The following STMND1 variants were observed in gnomAD, a reference collection of about 807,000 sequenced individuals.
The protein encoded by STMND1 is stathmin domain-containing protein 1.
In STMND1, 17 loss-of-function variants were observed where a neutral mutation model predicts 23.0. The observed-to-expected ratio is 0.74, with a 90% CI of 0.51 to 1.11. The LOEUF (loss-of-function observed/expected upper bound fraction) is 1.11, where lower values mean the gene tolerates loss of function less well. STMND1 is among the 50% of genes least tolerant of loss of function. The pLI, the probability that STMND1 is intolerant of heterozygous loss-of-function variation, is 0.00. For missense variants in STMND1, 305 were observed against 329.1 expected (o/e 0.93, Z 0.57); for synonymous variants, 114 against 119.9 (o/e 0.95, Z 0.32).
Position 17,130,851 on chromosome 6 carries a change from C to T in STMND1, c.801C>T (p.Ser267=). The T allele has an allele frequency of 6.5e-7, 1 of 1,532,232 alleles. No homozygotes were observed. 94.9% of individuals were successfully genotyped at this position (1,532,232 alleles called of 1,614,324 possible). ...TTGGGGTCGTGGAGTCAGACATGTC[C>T]TACAACCAAGCAGATGACATAGTCT... is the stretch of plus-strand genomic sequence containing the variant. ...ESFGVVESDM[S]YNQADDIVY The change falls in exon 5 of 5, where the codon TCC becomes TCT. Residue 267 remains serine (S), a synonymous_variant. Transcript: ENST00000536551.
At chr6:17,103,788 TCTCGAACTCCTGAC>T (rs1760977923) in intron 1 of STMND1, among the ~76,000 whole-genome samples, 1 of 152,148 alleles carries the variant, frequency 6.6e-6, no homozygotes, top group African/African-American at 2.4e-5. Context: ...GTCAGGCTGG[TCTCGAACTCCTGAC>T]CTCGTGATCC....
intron 3 of STMND1, among the ~76,000 whole-genome samples, chr6:17,126,387 T>C (rs1452035068): frequency 6.6e-6 from 1 of 151,974 alleles, no homozygotes; most frequent in African/African-American, 2.4e-5. Context: ...GTGGGGAGGA[T>C]CATTTTAAGA....
intron 1 of STMND1, among the ~76,000 whole-genome samples, chr6:17,104,833 C>A (rs933784944): frequency 1.3e-5 from 2 of 152,278 alleles, no homozygotes; most frequent in African/African-American, 2.4e-5. Context: ...TGTTGTGTGA[C>A]CTTTTTCAAG....
At chr6:17,129,274 G>C (rs1028150215) in intron 4 of STMND1, 31 bp downstream of exon 4, 31 of 1,530,092 alleles carry the variant, frequency 2.0e-5, no homozygotes, top group Non-Finnish European at 2.6e-5. Flanking sequence ...CTAGGCTTGA[G>C]GAGTTCGCTG....
chr6:17,123,965 GA>G (rs1761263799), intron 3 of STMND1, among the ~76,000 whole-genome samples: 1 of 151,956 alleles, frequency 6.6e-6, no homozygotes, highest in Admixed American at 6.6e-5. Flanking sequence ...GAAGGACTGA[GA>G]GGGGAACCAT....
intron 4 of STMND1, among the ~76,000 whole-genome samples, chr6:17,130,321 G>A (rs1052494374): frequency 1.3e-5 from 2 of 152,198 alleles, no homozygotes; most frequent in Admixed American, 1.3e-4. Context: ...AGCCCTCCAC[G>A]CGCCCTTGGC....
intron 3 of STMND1, among the ~76,000 whole-genome samples, chr6:17,121,464 T>C (rs1029038369): frequency 6.6e-6 from 1 of 152,300 alleles, no homozygotes; most frequent in African/African-American, 2.4e-5. Flanking sequence ...GCATTAGAAA[T>C]GTAAAACTGA....
intron 3 of STMND1, among the ~76,000 whole-genome samples, chr6:17,126,070 A>ATTTTTTTTT (rs1189845838): frequency 9.7e-5 from 2 of 20,532 alleles, no homozygotes; most frequent in African/African-American, 5.3e-4. Context: ...ATATATATAT[A>ATTTTTTTTT]TTTTTTTTTT....
intron 2 of STMND1, among the ~76,000 whole-genome samples, chr6:17,115,743 A>G (rs1308982797): frequency 2.0e-5 from 3 of 151,926 alleles, no homozygotes; most frequent in Non-Finnish European, 4.4e-5. Flanking sequence ...CCTTTGAAAC[A>G]TATTGAACTT....
intron 1 of STMND1, among the ~76,000 whole-genome samples, chr6:17,114,622 A>G (rs994493755): frequency 2.0e-5 from 3 of 152,218 alleles, no homozygotes; most frequent in Admixed American, 6.5e-5. Context: ...GCAGTGCACA[A>G]TAGGTTTTGT....
At chr6:17,112,124 T>C (rs1761103672) in intron 1 of STMND1, among the ~76,000 whole-genome samples, 1 of 152,204 alleles carries the variant, frequency 6.6e-6, no homozygotes, top group African/African-American at 2.4e-5. Context: ...TTCAAAGAAA[T>C]GGCTACCCAT....
chr6:17,117,667 C>CTTTTTTT (rs34107338), intron 2 of STMND1, among the ~76,000 whole-genome samples: 20 of 49,566 alleles, frequency 4.0e-4, no homozygotes, highest in Admixed American at 1.0e-3. Context: ...TTGGGTTACG[C>CTTTTTTT]TTTTTTTTTT....
chr6:17,111,550 T>G (rs1761097079), intron 1 of STMND1, among the ~76,000 whole-genome samples: 1 of 152,208 alleles, frequency 6.6e-6, no homozygotes. Context: ...CATCATCAGA[T>G]AAGTAGCTAC....
At chr6:17,124,835 C>CA (rs751914126) in intron 3 of STMND1, among the ~76,000 whole-genome samples, 2,171 of 131,536 alleles carry the variant, frequency 0.017, 39 homozygotes, top group African/African-American at 0.05. Context: ...CCATCTCTAC[C>CA]AAAAAAAAAA....
intron 3 of STMND1, among the ~76,000 whole-genome samples, chr6:17,120,966 G>T (rs1453458775): frequency 6.6e-6 from 1 of 152,142 alleles, no homozygotes; most frequent in African/African-American, 2.4e-5. Context: ...ATCTCACCTT[G>T]AATTGTAATC....
At position 17,129,207 on chromosome 6, in the gene STMND1, CGAG is replaced by C. The variant is rs1167794150; in HGVS notation, c.511_513del (p.Glu171del). On this transcript the variant is annotated inframe_deletion, in exon 4 of 5. Transcript: ENST00000536551. ...TGAAGGATTTCACAATGAAGGACAT[CGAG>C]GAGAAGATGGAGGCTGCCGAGGAGC... 21 of 1,535,700 alleles carry C rather than the reference CGAG, an allele frequency of 1.4e-5. No individual in the cohort carries two copies. The highest frequency in any genetic ancestry group is 1.8e-5 in the Non-Finnish European group (21 of 1,146,804).
At chr6:17,105,372 G>A (rs1045946604) in intron 1 of STMND1, among the ~76,000 whole-genome samples, 1 of 152,208 alleles carries the variant, frequency 6.6e-6, no homozygotes, top group Admixed American at 6.5e-5. Flanking sequence ...CTGGCCGGGT[G>A]TGGTGGCTCC....
chr6:17,130,675 G>T lies in STMND1; in HGVS notation c.625G>T (p.Asp209Tyr), dbSNP rs1370416813. Residue 209 changes from aspartate to tyrosine, a missense_variant, in exon 5 of 5, where the codon GAT (aspartate) becomes TAT (tyrosine). Coordinates refer to ENST00000536551, the MANE Select transcript of STMND1 (RefSeq NM_001190766.2). ...CAATCACTCAGATTCAGCTGAATTA[G>T]ATGGGGCCGAGGTTGCATTTGCCAA... ...SANHSDSAEL[D>Y]GAEVAFAKGL... The T allele has an allele frequency of 2.0e-6, 3 of 1,536,104 alleles. No homozygotes were observed. In the Admixed American group the frequency reaches 5.9e-5, roughly 30 times the overall value.
intron 2 of STMND1, among the ~76,000 whole-genome samples, chr6:17,116,052 A>T (rs1241206136): frequency 3.3e-5 from 5 of 152,104 alleles, no homozygotes; most frequent in African/African-American, 4.8e-5. Flanking sequence ...TTTTCTTTCC[A>T]ATAATTTTGT....
Sources: gnomAD v4.1 joint callset for allele counts (sites outside exome capture counted in the v4.1 genomes callset) on GRCh38, gnomAD v4.1.1 for gene constraint, MANE v1.5 for transcripts, NCBI Gene and HGNC (gene_info 2026-07-23, HGNC 2026-07-21) for gene names.